TMEM130: variants seen among roughly 807,000 people sequenced by gnomAD.
TMEM130 encodes the protein transmembrane protein 130.
TMEM130 carries 37 observed loss-of-function variants against 42.9 expected under a neutral mutation model. That is an observed-to-expected ratio of 0.86 (90% CI 0.66 to 1.13). The LOEUF (loss-of-function observed/expected upper bound fraction) is 1.13. Ranked by LOEUF, TMEM130 falls within the 50% of genes most tolerant of loss-of-function variation. TMEM130 has a pLI of 0.00. For synonymous variants in TMEM130, 259 were observed against 237.7 expected (o/e 1.09, Z -0.82); for missense variants, 545 against 562.6 (o/e 0.97, Z 0.32).
chr7:98,868,618 G>C (rs1438155710), intron 1 of TMEM130, among the ~76,000 whole-genome samples: 1 of 152,142 alleles, frequency 6.6e-6, no homozygotes, highest in African/African-American at 2.4e-5. Flanking sequence ...AAGGGGAAGG[G>C]TAGAAAAGTC....
intron 5 of TMEM130, 90 bp from the exon 6 acceptor site, chr7:98,851,713 C>A: frequency 1.7e-6 from 2 of 1,188,244 alleles, no homozygotes; most frequent in Non-Finnish European, 1.2e-6. Context: ...TGGGCAGGAA[C>A]TTCAGTGTCC....
At chr7:98,866,105 CG>C (rs1794900371) in intron 1 of TMEM130, 5 of 152,880 alleles carry the variant, frequency 3.3e-5, no homozygotes, top group African/African-American at 1.2e-4. Context: ...TGAGGTCAGG[CG>C]TTTGAGACCG....
chr7:98,865,002 A>G (rs1562912763), intron 1 of TMEM130, among the ~76,000 whole-genome samples: 1 of 152,346 alleles, frequency 6.6e-6, no homozygotes, highest in East Asian at 1.9e-4. Flanking sequence ...CTCCATGTGG[A>G]AATGAAAGTT....
Position 98,865,136 on chromosome 7 carries a change from G to A in TMEM130, c.86-1736C>T, listed in dbSNP as rs114247181. 6.1e-3 allele frequency among the ~76,000 whole-genome samples: 926 copies of A among 152,342 alleles called. 9 individuals are homozygous for A. The highest frequency in any genetic ancestry group is 0.02 in the Middle Eastern group (6 of 294). On this transcript the variant is annotated intron_variant, in intron 1 of 7. Transcript: ENST00000339375. ...GTACTGCTGTTGCCAAGGGGCACCC[G>A]GAGAGCAGGTGCAGCAGAGGGACCA...
At chr7:98,851,348 T>C (rs1554398183) in intron 6 of TMEM130, 73 bp downstream of exon 6, 30 of 1,475,862 alleles carry the variant, frequency 2.0e-5, no homozygotes, top group South Asian at 2.3e-5. Context: ...AGGAGCGTAT[T>C]GGTGGTGGTG....
chr7:98,853,176 A>G (rs1554398509), intron 5 of TMEM130, among the ~76,000 whole-genome samples: 1 of 152,116 alleles, frequency 6.6e-6, no homozygotes, highest in Non-Finnish European at 1.5e-5. Context: ...AGGGCTTCCC[A>G]TTCTCCCCAT....
chr7:98,860,942 CAAAAAAAAAA>C (rs3066865), intron 2 of TMEM130, among the ~76,000 whole-genome samples: 1 of 69,510 alleles, frequency 1.4e-5, no homozygotes, highest in East Asian at 4.2e-4. Context: ...GACTCTGTCT[CAAAAAAAAAA>C]AAAAAAAAAA....
At position 98,860,208 on chromosome 7, in the gene TMEM130, C is replaced by G. The variant is rs1554399563; in HGVS notation, c.522G>C (p.Leu174Phe). ...HDPSNFLKTA[L>F]FLYSWDFGDG... is the part of the protein sequence containing the mutation. ...CCCCGAAGTCCCAGCTGTAGAGAAA[C>G]AAGGCGGTCTTGAGGAAGTTGCTCG... Residue 174 changes from leucine (L) to phenylalanine (F), a missense_variant, in exon 3 of 8, where the codon TTG (leucine) becomes TTC (phenylalanine). Transcript: ENST00000339375. 1 of 1,613,836 alleles carries G rather than the reference C, an allele frequency of 6.2e-7. No individual in the cohort carries two copies. The highest frequency in any genetic ancestry group is 8.5e-7 in the Non-Finnish European group (1 of 1,179,862).
rs367659066 is a variant in TMEM130, at chr7:98,853,730, C to T, written c.803+1510G>A. ...GAGGGGCATCCTCATGGACAGAATGCACTCGGCATCTGTGTCTCCTCACCT... is the reference window on the plus strand; with the variant it reads ...GAGGGGCATCCTCATGGACAGAATGTACTCGGCATCTGTGTCTCCTCACCT... On this transcript the variant is annotated intron_variant, in intron 5 of 7. Coordinates refer to ENST00000339375, the MANE Select transcript of TMEM130 (RefSeq NM_152913.3). 2.6e-5 allele frequency among the ~76,000 whole-genome samples: 4 copies of T among 152,228 alleles called. No individual in the cohort carries two copies. The East Asian group carries it at 5.8e-4, about 22-fold the overall frequency.
At chr7:98,867,641 G>A (rs1794938107) in intron 1 of TMEM130, among the ~76,000 whole-genome samples, 1 of 152,196 alleles carries the variant, frequency 6.6e-6, no homozygotes, top group South Asian at 2.1e-4. Flanking sequence ...AGCTGGGACT[G>A]GGAGGGGGGA....
At chr7:98,851,113 G>A (rs1389102926) in intron 6 of TMEM130, among the ~76,000 whole-genome samples, 1 of 152,150 alleles carries the variant, frequency 6.6e-6, no homozygotes, top group Non-Finnish European at 1.5e-5. Context: ...AGCTGAGTTG[G>A]TTACAGTTGT....
At chr7:98,851,343 C>G in intron 6 of TMEM130, 78 bp downstream of exon 6, 2 of 1,428,762 alleles carry the variant, frequency 1.4e-6, no homozygotes, top group Non-Finnish European at 9.8e-7. Flanking sequence ...CTGGTAGGAG[C>G]GTATTGGTGG....
At chr7:98,853,228 A>T (rs1794552027) in intron 5 of TMEM130, among the ~76,000 whole-genome samples, 1 of 151,602 alleles carries the variant, frequency 6.6e-6, no homozygotes, top group Non-Finnish European at 1.5e-5. Context: ...ACTACCTCCA[A>T]CCCCTAAATT....
chr7:98,857,006 T>C (rs547520487), intron 3 of TMEM130, among the ~76,000 whole-genome samples: 7 of 152,204 alleles, frequency 4.6e-5, no homozygotes, highest in Admixed American at 4.6e-4. Flanking sequence ...CTGCAGTCTC[T>C]GAACTCTTAG....
chr7:98,863,276 G>T lies in TMEM130; in HGVS notation c.210C>A (p.Tyr70Ter). 1 of 1,613,358 alleles carries T rather than the reference G, an allele frequency of 6.2e-7. No homozygotes were observed. The highest frequency in any genetic ancestry group is 8.5e-7 in the Non-Finnish European group (1 of 1,179,882). Residue 70 changes from tyrosine (Y) to a stop codon, truncating the protein, a stop_gained, in exon 2 of 8, where the codon TAC becomes TAA. Coordinates refer to ENST00000339375, the MANE Select transcript of TMEM130 (RefSeq NM_152913.3). LOFTEE classifies it high-confidence loss of function. ...GCGGGGTGTGGATCCAGTGGAAGCG[G>T]TAGAGGTGGGCGTCAGCGGGCAGGG... Reference protein sequence around the residue: ...SLALPADAHLYRFHWIHTPLV... With the variant: ...SLALPADAHL
Position 98,869,955 on chromosome 7 carries a change from C to G in TMEM130, c.-94G>C. On this transcript the variant is annotated 5_prime_UTR_variant, in exon 1 of 8. Coordinates refer to ENST00000339375, the MANE Select transcript of TMEM130 (RefSeq NM_152913.3). The surrounding 1 kb of genome is among the most constrained non-coding windows in gnomAD (Gnocchi z 4.7). ...GGCGGTCGCTCCTCCGGGCGCGCAGCGCGGGCGGTGCGGGGAGGTGCGGGC... is the reference window on the plus strand; with the variant it reads ...GGCGGTCGCTCCTCCGGGCGCGCAGGGCGGGCGGTGCGGGGAGGTGCGGGC... 1.1e-6 allele frequency: 1 copy of G among 932,608 alleles called. No individual in the cohort carries two copies. Among genetic ancestry groups the G allele is most frequent in the African/African-American group, 1.7e-5 (1 of 58,020 alleles). The allele number at this position is 932,608 out of a possible 1,614,324, so 57.8% of individuals were successfully genotyped here.
intron 6 of TMEM130, among the ~76,000 whole-genome samples, chr7:98,850,269 A>ATT (rs1244635646): frequency 0.015 from 464 of 30,108 alleles, 10 homozygotes; most frequent in South Asian, 0.042. Flanking sequence ...ATATATATAT[A>ATT]TATATTTTTT....
chr7:98,857,916 A>G (rs1365311268), intron 3 of TMEM130, among the ~76,000 whole-genome samples: 1 of 151,554 alleles, frequency 6.6e-6, no homozygotes, highest in African/African-American at 2.4e-5. Context: ...TTTGTTTTGC[A>G]TTTTTAGTAC....
Position 98,848,699 on chromosome 7 carries a change from G to T in TMEM130, c.1007-4C>A, listed in dbSNP as rs782495163. ...GCAAAGACAGCCGGCTGGATTCCTG[G>T]GAATGAAAGAAGTAACATTACAGGA... On this transcript the variant is annotated splice_region_variant and splice_polypyrimidine_tract_variant and intron_variant, in intron 6 of 7. Transcript: ENST00000339375. 3.0e-5 allele frequency: 48 copies of T among 1,597,800 alleles called. No homozygotes were observed. The highest frequency in any genetic ancestry group is 3.4e-5 in the Non-Finnish European group (40 of 1,165,322).
Sources: gnomAD v4.1 joint callset for allele counts (sites outside exome capture counted in the v4.1 genomes callset) on GRCh38, gnomAD v4.1.1 for gene constraint, Gnocchi (gnomAD v3.1) non-coding constraint, MANE v1.5 for transcripts, NCBI Gene and HGNC (gene_info 2026-07-23, HGNC 2026-07-21) for gene names.